The following TNIP3 variants were observed in gnomAD, a reference collection of about 807,000 sequenced individuals.
The protein encoded by TNIP3 is TNFAIP3-interacting protein 3.
In TNIP3, 34 loss-of-function variants were observed where a neutral mutation model predicts 54.1. The observed-to-expected ratio is 0.63, with a 90% CI of 0.48 to 0.84. The LOEUF is 0.84. TNIP3 is among the 40% of genes least tolerant of loss of function. TNIP3 has a pLI of 0.00. For synonymous variants in TNIP3, 134 were observed against 136.8 expected, an observed-to-expected ratio of 0.98 and a Z score of 0.14; for missense variants, 366 against 387.6, an observed-to-expected ratio of 0.94 and a Z score of 0.47.
intron 4 of TNIP3, among the ~76,000 whole-genome samples, chr4:121,156,170 C>T (rs533460948): frequency 2.6e-5 from 4 of 152,300 alleles, no homozygotes; most frequent in African/African-American, 7.2e-5. Context: ...CTGGCATTGT[C>T]TGCGCGAATT....
intron 1 of TNIP3, among the ~76,000 whole-genome samples, chr4:121,222,202 C>A (rs138189700): frequency 6.6e-6 from 1 of 152,148 alleles, no homozygotes; most frequent in Non-Finnish European, 1.5e-5. Context: ...TCTTCCCCTG[C>A]GAAGAGGACC....
chr4:121,140,136 C>A (rs1488889276), intron 9 of TNIP3, among the ~76,000 whole-genome samples: 1 of 151,928 alleles, frequency 6.6e-6, no homozygotes, highest in Non-Finnish European at 1.5e-5. Context: ...GAGTTTGAGA[C>A]CAGCCTGGGC....
chr4:121,226,060 A>T (rs1727241584), intron 1 of TNIP3, among the ~76,000 whole-genome samples: 1 of 152,106 alleles, frequency 6.6e-6, no homozygotes, highest in Non-Finnish European at 1.5e-5. Context: ...CTGGAAGCCA[A>T]TGATAATTAA....
At chr4:121,164,338 C>A, upstream of TNIP3, 4 of 1,319,534 alleles carry the variant, frequency 3.0e-6, no homozygotes, top group Non-Finnish European at 3.9e-6. Context: ...ATAAGCACTG[C>A]AACTGGGATT....
At chr4:121,138,234 C>T (rs1728906200) in intron 10 of TNIP3, among the ~76,000 whole-genome samples, 1 of 152,122 alleles carries the variant, frequency 6.6e-6, no homozygotes, top group Admixed American at 6.5e-5. Flanking sequence ...TGTCTGTCTG[C>T]CAGTGACATT....
chr4:121,197,949 T>A (rs1725690110), intron 2 of TNIP3, among the ~76,000 whole-genome samples: 1 of 152,228 alleles, frequency 6.6e-6, no homozygotes, highest in Non-Finnish European at 1.5e-5. Flanking sequence ...CTTGACTGAA[T>A]AAATACACAT....
rs373417233 is a variant in TNIP3, at chr4:121,158,711, A to T, written c.189T>A (p.Ser63Arg). Residue 63 changes from serine (S) to arginine (R), a missense_variant, in exon 3 of 11, where the codon AGT (serine) becomes AGA (arginine). By Grantham distance (110) the Ser-to-Arg change is moderately radical. Transcript: ENST00000057513. ...CCTTTCTTTCATATAACTCTTTCATACTTCTAAATTGCTGATCCCATTGCT... is the reference window on the plus strand; with the variant it reads ...CCTTTCTTTCATATAACTCTTTCATTCTTCTAAATTGCTGATCCCATTGCT... ...VNQQWDQQFR[S>R]MKELYERKVA... 1.7e-5 allele frequency: 28 copies of T among 1,612,866 alleles called. No homozygotes were observed. In the East Asian group the frequency reaches 2.0e-4, roughly 12 times the overall value.
chr4:121,226,467 T>G (rs1384427649), intron 1 of TNIP3, among the ~76,000 whole-genome samples: 2 of 152,250 alleles, frequency 1.3e-5, no homozygotes, highest in Non-Finnish European at 1.5e-5. Context: ...TAAGGCCTGA[T>G]TCAGGCCTTC....
In TNIP3 at chr4:121,186,034, G is replaced by A. The variant is rs577337438; in HGVS notation, c.69-3238C>T. On this transcript the variant is annotated intron_variant, in intron 2 of 12. Transcript: ENST00000507879. Reference sequence around the variant, plus strand: ...GAGCTGGGGCCCTGCGTCCTCTCACGTGAGCCTGGTTCAGCACACGTCCCT... The same window carrying A: ...GAGCTGGGGCCCTGCGTCCTCTCACATGAGCCTGGTTCAGCACACGTCCCT... Among the ~76,000 whole-genome samples, 9 of 152,348 alleles carry A rather than the reference G, an allele frequency of 5.9e-5. 1 individual carries two copies. Among genetic ancestry groups the A allele is most frequent in the African/African-American group, 1.4e-4 (6 of 41,582 alleles).
intron 2 of TNIP3, among the ~76,000 whole-genome samples, chr4:121,211,104 A>G (rs927593251): frequency 2.0e-5 from 3 of 152,194 alleles, no homozygotes; most frequent in African/African-American, 7.2e-5. Flanking sequence ...TGGAAAGCAG[A>G]AATGTCCCTG....
At chr4:121,218,540 T>TCCTTCCTCCCTCCCTC (rs1726898230), upstream of TNIP3, among the ~76,000 whole-genome samples, 1 of 136,318 alleles carries the variant, frequency 7.3e-6, no homozygotes, top group African/African-American at 3.4e-5. Context: ...CTCCCTCCCT[T>TCCTTCCTCCCTCCCTC]CCTTCCTTCC....
At position 121,132,537 on chromosome 4, in the gene TNIP3, T is replaced by C; in HGVS notation, c.*94A>G. On this transcript the variant is annotated 3_prime_UTR_variant, in exon 11 of 11. Coordinates refer to ENST00000057513, the MANE Select transcript of TNIP3 (RefSeq NM_024873.6). ...CAAATAACAGGGTAGATGATGTGCC[T>C]TTGTGGCAGAAACAAGCCTCAGTAT... 1 of 1,228,298 alleles carries C rather than the reference T, an allele frequency of 8.1e-7. No individual in the cohort carries two copies. The highest frequency in any genetic ancestry group is 1.2e-6 in the Non-Finnish European group (1 of 839,180). 76.1% of individuals were successfully genotyped at this position (1,228,298 alleles called of 1,614,324 possible). A position where few individuals can be genotyped will look rare whatever the true frequency, so the allele number is the denominator to read the frequency against.
intron 2 of TNIP3, among the ~76,000 whole-genome samples, chr4:121,187,216 A>T (rs1289500916): frequency 6.6e-6 from 1 of 152,206 alleles, no homozygotes; most frequent in Non-Finnish European, 1.5e-5. Context: ...ACACCCTACC[A>T]AACTTTTAAA....
At chr4:121,178,287 G>A (rs117730181) in intron 3 of TNIP3, among the ~76,000 whole-genome samples, 2 of 152,282 alleles carry the variant, frequency 1.3e-5, no homozygotes, top group East Asian at 1.9e-4. Flanking sequence ...ATGAGCTAAT[G>A]AATAGAAATA....
upstream of TNIP3, chr4:121,216,717 T>C (rs565121168): frequency 5.1e-4 from 542 of 1,062,304 alleles, no homozygotes; most frequent in Non-Finnish European, 6.5e-4. Context: ...CCACTGGGTG[T>C]AAACACAGGC....
At chr4:121,193,260 C>G (rs1235070728) in intron 2 of TNIP3, among the ~76,000 whole-genome samples, 2 of 152,112 alleles carry the variant, frequency 1.3e-5, no homozygotes, top group Non-Finnish European at 2.9e-5. Flanking sequence ...CATATTCATT[C>G]TCTTCTTCTG....
upstream of TNIP3, among the ~76,000 whole-genome samples, chr4:121,167,931 T>C (rs2148819348): frequency 6.6e-6 from 1 of 152,244 alleles, no homozygotes; most frequent in Non-Finnish European, 1.5e-5. Context: ...CTTCTTCACC[T>C]GACCTGTTTG....
intron 10 of TNIP3, 57 bp from the exon 11 acceptor site, chr4:121,132,719 C>A: frequency 6.8e-7 from 1 of 1,481,002 alleles, no homozygotes; most frequent in Non-Finnish European, 9.4e-7. Flanking sequence ...CATTTCTCTT[C>A]TTCTGGCTTA....
At position 121,175,900 on chromosome 4, in the gene TNIP3, G is replaced by A. The variant is rs370764800; in HGVS notation, c.189+6776C>T. Among the ~76,000 whole-genome samples, 7 of 152,192 alleles carry A rather than the reference G, an allele frequency of 4.6e-5. No individual in the cohort carries two copies. In the East Asian group the frequency reaches 1.2e-3, roughly 25 times the overall value. On this transcript the variant is annotated intron_variant, in intron 3 of 12. Coordinates refer to the TNIP3 transcript ENST00000507879. The stretch of plus-strand genomic sequence containing the variant: ...ACCTATGTCTCTGTTTTCCTGGGTT[G>A]TCTGGTGGTGTACTTTATTAGAAAA...
Sources: allele counts gnomAD v4.1 joint callset (sites outside exome capture counted in the v4.1 genomes callset), GRCh38; gene constraint gnomAD v4.1.1; transcripts MANE v1.5; gene names NCBI Gene and HGNC (gene_info 2026-07-23, HGNC 2026-07-21).